PUDP: variants seen among roughly 807,000 people sequenced by gnomAD.
PUDP encodes pseudouridine-5'-phosphatase.
Under a neutral mutation model 9.4 loss-of-function variants are expected in PUDP, and 8 were observed. The ratio of observed to expected loss-of-function variants is 0.85; its 90% CI spans 0.50 to 1.53. The LOEUF is 1.53. Among genes scored for constraint, PUDP ranks in the 40% most tolerant of loss-of-function variants. The probability of loss-of-function intolerance (pLI) is 0.00; values close to 1 mark genes in which losing one functional copy is unlikely to be tolerated. For missense variants in PUDP, 188 were observed against 189.7 expected (o/e 0.99, Z 0.05); for synonymous variants, 99 against 80.7 (o/e 1.23, Z -1.22).
At chrX:6,857,219 TAA>T (rs1247071902) in intron 3 of PUDP, among the ~76,000 whole-genome samples, 3 of 112,623 alleles carry the variant, frequency 2.7e-5, no homozygotes, top group Non-Finnish European at 3.8e-5. Context: ...GAATGAAGAA[TAA>T]AAGTGTTCTC....
chrX:6,769,307 A>C (rs752567390), intron 3 of PUDP, among the ~76,000 whole-genome samples: 15 of 111,984 alleles, frequency 1.3e-4, no homozygotes, highest in Admixed American at 3.8e-4. Context: ...TTTTCTCATT[A>C]AGTTGTGGGG....
chrX:7,015,939 T>G (rs1364404821), intron 1 of PUDP, among the ~76,000 whole-genome samples: 1 of 110,410 alleles, frequency 9.1e-6, no homozygotes, highest in Non-Finnish European at 1.9e-5. Context: ...GAGTCCGATT[T>G]TTAGGTTTTA....
chrX:7,126,397 G>C (rs1413046833), intron 1 of PUDP, among the ~76,000 whole-genome samples: 3 of 112,121 alleles, frequency 2.7e-5, no homozygotes, highest in East Asian at 2.8e-4. Context: ...CAGATGGCTT[G>C]ATCCTTCACA....
chrX:6,712,113 G>A (rs1022358676), intron 1 of PUDP, among the ~76,000 whole-genome samples: 1 of 111,647 alleles, frequency 9.0e-6, no homozygotes, highest in Non-Finnish European at 1.9e-5. Context: ...TGCCCTCAAG[G>A]AGCCACATTT....
At chrX:6,866,491 T>C (rs1927088114) in intron 3 of PUDP, among the ~76,000 whole-genome samples, 1 of 111,556 alleles carries the variant, frequency 9.0e-6, no homozygotes, top group Non-Finnish European at 1.9e-5. Context: ...TCCAGGGCTG[T>C]CTCAGGGAAC....
At chrX:6,802,878 T>C (rs1169702712) in intron 3 of PUDP, among the ~76,000 whole-genome samples, 2 of 96,305 alleles carry the variant, frequency 2.1e-5, no homozygotes, top group African/African-American at 3.8e-5. Context: ...AGAGCGAGAC[T>C]TTTTGTCTCA....
intron 1 of PUDP, among the ~76,000 whole-genome samples, chrX:7,125,149 T>C (rs1227132299): frequency 9.0e-6 from 1 of 111,451 alleles, no homozygotes; most frequent in Admixed American, 9.5e-5. Flanking sequence ...AGTTCACCAG[T>C]TTACTAAAAA....
downstream of PUDP, among the ~76,000 whole-genome samples, chrX:7,045,571 T>C (rs1375749684): frequency 8.9e-6 from 1 of 112,421 alleles, no homozygotes; most frequent in Non-Finnish European, 1.9e-5. Flanking sequence ...TGGGCATGAC[T>C]TCCTGCTTAT....
At chrX:6,828,019 T>TA (rs1926448617) in intron 3 of PUDP, among the ~76,000 whole-genome samples, 1 of 112,043 alleles carries the variant, frequency 8.9e-6, no homozygotes, top group African/African-American at 3.2e-5. Context: ...CTCTGTGCTT[T>TA]AAAAATGTAT....
chrX:7,133,971 T>C (rs1932681828), intron 1 of PUDP, among the ~76,000 whole-genome samples: 1 of 112,072 alleles, frequency 8.9e-6, no homozygotes, highest in Admixed American at 9.5e-5. Flanking sequence ...TGTTAAACAG[T>C]GCAATGGGGC....
chrX:6,777,592 T>C (rs937716218), intron 3 of PUDP, among the ~76,000 whole-genome samples: 2 of 112,525 alleles, frequency 1.8e-5, no homozygotes, highest in African/African-American at 6.4e-5. Context: ...TTGTAAATAG[T>C]ATATTTCTGG....
At chrX:6,805,557 G>A (rs1278523011) in intron 3 of PUDP, among the ~76,000 whole-genome samples, 7 of 110,803 alleles carry the variant, frequency 6.3e-5, no homozygotes, top group Non-Finnish European at 1.1e-4. Flanking sequence ...CAGAGTCTCA[G>A]TCTGTCATTC....
At chrX:6,815,545 C>A (rs903955137) in intron 3 of PUDP, among the ~76,000 whole-genome samples, 1 of 111,534 alleles carries the variant, frequency 9.0e-6, no homozygotes, top group Non-Finnish European at 1.9e-5. Context: ...CAATTCAGGG[C>A]CTCTTGGCTA....
At chrX:7,103,279 C>T (rs1001108403) in intron 2 of PUDP, among the ~76,000 whole-genome samples, 1 of 111,927 alleles carries the variant, frequency 8.9e-6, no homozygotes, top group African/African-American at 3.2e-5. Flanking sequence ...CGATCTTCAA[C>T]GAGCCAGCCA....
intron 3 of PUDP, among the ~76,000 whole-genome samples, chrX:6,754,727 C>A (rs1341657432): frequency 9.1e-6 from 1 of 110,047 alleles, no homozygotes; most frequent in African/African-American, 3.3e-5. Flanking sequence ...GGATCCTCAT[C>A]ATATGAAGAT....
intron 2 of PUDP, among the ~76,000 whole-genome samples, chrX:7,102,685 CA>C (rs1466894242): frequency 1.8e-5 from 2 of 109,483 alleles, no homozygotes; most frequent in Non-Finnish European, 3.8e-5. Context: ...GAAATCACTA[CA>C]ATTCAACATA....
intron 3 of PUDP, among the ~76,000 whole-genome samples, chrX:6,963,932 G>A (rs774411432): frequency 1.8e-3 from 197 of 112,089 alleles, no homozygotes; most frequent in Non-Finnish European, 2.9e-3. Flanking sequence ...TTGACTCTTC[G>A]GTGAGTGTTT....
chrX:6,932,811 G>A (rs1386819347), intron 3 of PUDP, among the ~76,000 whole-genome samples: 1 of 112,001 alleles, frequency 8.9e-6, no homozygotes, highest in East Asian at 2.8e-4. Context: ...CGCACCACGA[G>A]ATTATATCCC....
chrX:6,887,196 T>C (rs1927441721), intron 3 of PUDP, among the ~76,000 whole-genome samples: 1 of 106,084 alleles, frequency 9.4e-6, no homozygotes, highest in African/African-American at 3.4e-5. Flanking sequence ...TATAATTAAA[T>C]ATATTTATTT....
Sources: gnomAD v4.1 joint callset for allele counts (sites outside exome capture counted in the v4.1 genomes callset) on GRCh38, gnomAD v4.1.1 for gene constraint, MANE v1.5 for transcripts, NCBI Gene and HGNC (gene_info 2026-07-23, HGNC 2026-07-21) for gene names.